Variants in ZFC3H1 observed in about 807,000 individuals in gnomAD.
The protein encoded by ZFC3H1 is zinc finger C3H1 domain-containing protein.
ZFC3H1 carries 71 observed loss-of-function variants against 243.7 expected under a neutral mutation model. That is an observed-to-expected ratio of 0.29 (90% confidence interval 0.24 to 0.36). The LOEUF is 0.36. Among genes scored for constraint, ZFC3H1 ranks in the 10% least tolerant of loss-of-function variants. The pLI is 1.00. For synonymous variants in ZFC3H1, 838 were observed against 813.0 expected, an observed-to-expected ratio of 1.03 and a Z score of -0.52; for missense variants, 1,966 against 2,317.1, an observed-to-expected ratio of 0.85 and a Z score of 3.11.
intron 13 of ZFC3H1, 50 bp downstream of exon 13, chr12:71,633,214 C>A: frequency 6.6e-7 from 1 of 1,504,922 alleles, no homozygotes; most frequent in South Asian, 1.4e-5. Context: ...AAAATTTGGC[C>A]TATAAAAATG....
At chr12:71,628,813 T>C in intron 20 of ZFC3H1, 105 bp downstream of exon 20, 3 of 1,327,050 alleles carry the variant, frequency 2.3e-6, no homozygotes, top group Non-Finnish European at 3.0e-6. Flanking sequence ...AAAAAATTTT[T>C]TTTTAACCAG....
intron 2 of ZFC3H1, among the ~76,000 whole-genome samples, chr12:71,648,948 A>T (rs144216783): frequency 0.016 from 2,418 of 151,984 alleles, 70 homozygotes; most frequent in African/African-American, 0.055. Context: ...AAAATTAGCC[A>T]GGCATGGTGG....
intron 1 of ZFC3H1, among the ~76,000 whole-genome samples, chr12:71,660,949 CA>C (rs564941085): frequency 6.7e-6 from 1 of 149,882 alleles, no homozygotes; most frequent in Non-Finnish European, 1.5e-5. Flanking sequence ...TTCGTCTCCC[CA>C]AAAAAAAATT....
chr12:71,649,790 A>C (rs1466340511), intron 2 of ZFC3H1, among the ~76,000 whole-genome samples: 1 of 152,206 alleles, frequency 6.6e-6, no homozygotes, highest in Non-Finnish European at 1.5e-5. Context: ...GTTGATTAGG[A>C]TCTCACTTGT....
At chr12:71,645,139 A>T in intron 3 of ZFC3H1, 64 bp from the exon 4 acceptor site, 1 of 1,428,202 alleles carries the variant, frequency 7.0e-7, no homozygotes, top group Non-Finnish European at 9.3e-7. Context: ...ACATTTCATC[A>T]AGTCAAATCC....
chr12:71,659,156 C>T (rs1881098776), intron 1 of ZFC3H1, among the ~76,000 whole-genome samples: 1 of 152,088 alleles, frequency 6.6e-6, no homozygotes. Flanking sequence ...CATTCTAATG[C>T]ACCTCCACAG....
intron 32 of ZFC3H1, chr12:71,611,317 G>T: frequency 2.1e-5 from 6 of 291,534 alleles, no homozygotes; most frequent in Admixed American, 5.2e-5. Flanking sequence ...AAGCAGACCA[G>T]TGTTTTGAAC....
chr12:71,626,161 A>G (rs1033052721), intron 22 of ZFC3H1, 99 bp downstream of exon 22: 1 of 1,266,334 alleles, frequency 7.9e-7, no homozygotes, highest in African/African-American at 1.5e-5. Flanking sequence ...GATAAAGCAT[A>G]TGCTCTATTA....
chr12:71,611,113 A>AG lies in ZFC3H1; in HGVS notation c.5730-17_5730-16insC, dbSNP rs1879757942. 8 of 1,540,810 alleles carry AG rather than the reference A, an allele frequency of 5.2e-6. 1 individual carries two copies. Among genetic ancestry groups the AG allele is most frequent in the Non-Finnish European group, 7.0e-6 (8 of 1,150,962 alleles). ...AGCAATGGCTCTAAGAGAAAAAAAA[A>AG]AAAAAAGAAATATAGAAAAAGGAAA... On this transcript the variant is annotated splice_polypyrimidine_tract_variant and intron_variant, in intron 32 of 34. Coordinates refer to ENST00000378743, the MANE Select transcript of ZFC3H1 (RefSeq NM_144982.5).
chr12:71,624,702 C>T lies in ZFC3H1; in HGVS notation c.4318-410G>A, dbSNP rs532517322. Reference sequence around the variant, plus strand: ...ATTTGTATTAGAAATGTGCTGGACGCGATGGCTCATGCCTGTAATCCCAGC... The same window carrying T: ...ATTTGTATTAGAAATGTGCTGGACGTGATGGCTCATGCCTGTAATCCCAGC... On this transcript the variant is annotated intron_variant, in intron 22 of 34. Transcript: ENST00000378743. Among the ~76,000 whole-genome samples, 7 of 152,296 alleles carry T rather than the reference C, an allele frequency of 4.6e-5. No homozygotes were observed. In the South Asian group the frequency reaches 1.0e-3, roughly 23 times the overall value.
intron 26 of ZFC3H1, 95 bp from the exon 27 acceptor site, chr12:71,619,504 T>C (rs1280509766): frequency 2.5e-6 from 3 of 1,185,220 alleles, no homozygotes; most frequent in African/African-American, 3.1e-5. Flanking sequence ...AAGTACTCAT[T>C]AGATTAAGTT....
chr12:71,618,275 A>C (rs1470039802), intron 27 of ZFC3H1, among the ~76,000 whole-genome samples: 2 of 148,618 alleles, frequency 1.3e-5, no homozygotes, highest in African/African-American at 2.5e-5. Context: ...CTTAAAATAA[A>C]ATTAAAAAAA....
Position 71,657,166 on chromosome 12 carries a change from T to C in ZFC3H1, c.734A>G (p.Asp245Gly), listed in dbSNP as rs79282052. 52 of 1,613,966 alleles carry C rather than the reference T, an allele frequency of 3.2e-5. No individual in the cohort carries two copies. The African/African-American group carries it at 6.3e-4, about 19-fold the overall frequency. ...TTTGCTACTCAATGCTAGTTTTTCA[T>C]CCTTATTGATGCATTCTAGTTCCAA... ...IQLELECINK[D>G]EKLALSSKEE... is the part of the protein sequence containing the mutation. Residue 245 changes from aspartate to glycine, a missense_variant, in exon 2 of 35, where the codon GAT (aspartate) becomes GGT (glycine). Around this residue, in one of 4 missense-constraint regions of ZFC3H1, gnomAD observed 484 missense variants for 449.7 expected, o/e 1.08. Transcript: ENST00000378743.
At chr12:71,657,439 T>C in intron 1 of ZFC3H1, 138 bp from the exon 2 acceptor site, 1 of 732,228 alleles carries the variant, frequency 1.4e-6, no homozygotes, top group Non-Finnish European at 2.1e-6. Flanking sequence ...ATTACTAAAT[T>C]CCATTTAATG....
Position 71,611,887 on chromosome 12 carries a change from C to T in ZFC3H1, c.5628G>A (p.Arg1876=). The T allele has an allele frequency of 6.3e-7, 1 of 1,586,740 alleles. No individual in the cohort carries two copies. The highest frequency in any genetic ancestry group is 1.1e-5 in the South Asian group (1 of 88,938). The change falls in exon 32 of 35, where the codon AGG becomes AGA. Residue 1876 remains arginine (R), a splice_region_variant and synonymous_variant. Transcript: ENST00000378743. ...VMPANSGLAL[R]LLQHEWEESN... ...TTTCTTCCCATTCATGTTGAAGTAA[C>T]CTGTAAAGTACATTCAGGAAAATGA... is the stretch of plus-strand genomic sequence containing the variant.
intron 9 of ZFC3H1, 83 bp from the exon 10 acceptor site, chr12:71,635,663 G>A (rs1033706350): frequency 7.2e-7 from 1 of 1,385,532 alleles, no homozygotes; most frequent in African/African-American, 1.5e-5. Context: ...AAAAATAATG[G>A]GCTCCAAGTA....
chr12:71,611,367 CAACAAA>C (rs1194842690), intron 32 of ZFC3H1: 7 of 254,596 alleles, frequency 2.7e-5, no homozygotes, highest in African/African-American at 1.6e-4. Flanking sequence ...ACAACAACAA[CAACAAA>C]AAAAAAACAC....
chr12:71,621,845 T>C (rs1023077632), intron 24 of ZFC3H1, among the ~76,000 whole-genome samples: 1 of 151,282 alleles, frequency 6.6e-6, no homozygotes, highest in Admixed American at 6.6e-5. Context: ...TGTGATAACT[T>C]AAAATATCTC....
chr12:71,633,336 A>G lies in ZFC3H1; in HGVS notation c.2613T>C (p.Leu871=), dbSNP rs1388502556. The change falls in exon 13 of 35, where the codon CTT becomes CTC. Residue 871 remains leucine, a synonymous_variant. Transcript: ENST00000378743. ...VRNAEAKITK[L]TEQLQATEKI... Reference sequence around the variant, plus strand: ...TTTCAGTTGCTTGAAGCTGTTCTGTAAGTTTTGTAATCTTTGCTTCAGCAT... The same window carrying G: ...TTTCAGTTGCTTGAAGCTGTTCTGTGAGTTTTGTAATCTTTGCTTCAGCAT... 6.2e-7 allele frequency: 1 copy of G among 1,603,562 alleles called. No homozygotes were observed. The highest frequency in any genetic ancestry group is 8.5e-7 in the Non-Finnish European group (1 of 1,175,462).
Sources: allele counts gnomAD v4.1 joint callset (sites outside exome capture counted in the v4.1 genomes callset), GRCh38; gene constraint gnomAD v4.1.1; regional missense constraint gnomAD v4.1.1; transcripts MANE v1.5; gene names NCBI Gene and HGNC (gene_info 2026-07-23, HGNC 2026-07-21).